PCDH9: variants seen among roughly 807,000 people sequenced by gnomAD.
PCDH9 encodes protocadherin-9.
A neutral mutation model predicts 70.6 loss-of-function variants in PCDH9; 24 were observed. The ratio of observed to expected loss-of-function variants is 0.34; its 90% CI spans 0.25 to 0.48. The LOEUF is 0.48. Among genes scored for constraint, PCDH9 ranks in the 20% least tolerant of loss-of-function variants. The pLI, the probability that PCDH9 is intolerant of heterozygous loss-of-function variation, is 0.99. For synonymous variants in PCDH9, 562 were observed against 558.5 expected, an observed-to-expected ratio of 1.01 and a Z score of -0.09; for missense variants, 1,281 against 1,503.6, an observed-to-expected ratio of 0.85 and a Z score of 2.45.
intron 3 of PCDH9, among the ~76,000 whole-genome samples, chr13:66,798,975 A>T (rs918402785): frequency 1.3e-5 from 2 of 151,820 alleles, no homozygotes; most frequent in Non-Finnish European, 2.9e-5. Flanking sequence ...CACCAGGTCC[A>T]GTTAATTTTT....
At chr13:67,125,411 T>A (rs2138311732) in intron 2 of PCDH9, among the ~76,000 whole-genome samples, 1 of 152,300 alleles carries the variant, frequency 6.6e-6, no homozygotes, top group Non-Finnish European at 1.5e-5. Context: ...TCAAGAACTC[T>A]GTGACTTTAC....
At chr13:66,984,972 T>C (rs116839652) in intron 2 of PCDH9, among the ~76,000 whole-genome samples, 1,789 of 152,148 alleles carry the variant, frequency 0.012, 38 homozygotes, top group African/African-American at 0.039. Context: ...CTAAAATCCA[T>C]AGGAATCCTT....
intron 2 of PCDH9, among the ~76,000 whole-genome samples, chr13:67,079,428 G>A (rs2085941534): frequency 6.6e-6 from 1 of 152,004 alleles, no homozygotes; most frequent in African/African-American, 2.4e-5. Flanking sequence ...AAGGGACCTG[G>A]TTAGTGGTCA....
At chr13:66,316,679 A>T (rs944090953) in intron 4 of PCDH9, among the ~76,000 whole-genome samples, 1 of 152,036 alleles carries the variant, frequency 6.6e-6, no homozygotes, top group Non-Finnish European at 1.5e-5. Flanking sequence ...TTTCCTTACC[A>T]CCTTTAAAAA....
intron 2 of PCDH9, among the ~76,000 whole-genome samples, chr13:67,195,771 T>A (rs2138035781): frequency 6.6e-6 from 1 of 152,282 alleles, no homozygotes; most frequent in Middle Eastern, 3.4e-3. Context: ...CATGACTCCA[T>A]ATATATGAAA....
At chr13:66,615,505 T>C (rs1284022920) in intron 4 of PCDH9, among the ~76,000 whole-genome samples, 2 of 152,238 alleles carry the variant, frequency 1.3e-5, no homozygotes, top group African/African-American at 4.8e-5. Flanking sequence ...TTGCTATTCA[T>C]AGACAATTGT....
intron 2 of PCDH9, among the ~76,000 whole-genome samples, chr13:67,013,421 T>A (rs2084492963): frequency 6.6e-6 from 1 of 152,000 alleles, no homozygotes. Context: ...AAATCATGAT[T>A]TCATCTTCTG....
intron 2 of PCDH9, among the ~76,000 whole-genome samples, chr13:66,919,578 CA>C (rs1252241501): frequency 6.6e-6 from 1 of 151,116 alleles, no homozygotes; most frequent in African/African-American, 2.4e-5. Context: ...CATAGAGCTA[CA>C]AAAATTTGCT....
intron 4 of PCDH9, among the ~76,000 whole-genome samples, chr13:66,526,427 AT>A (rs1265844515): frequency 6.6e-6 from 1 of 152,080 alleles, no homozygotes; most frequent in Admixed American, 6.6e-5. Flanking sequence ...AAGTTCAGAA[AT>A]TTTGCTGAGC....
chr13:66,893,761 T>C (rs1379992711), intron 3 of PCDH9, among the ~76,000 whole-genome samples: 4 of 152,150 alleles, frequency 2.6e-5, no homozygotes, highest in Admixed American at 2.0e-4. Flanking sequence ...TAATATAACC[T>C]AATATGTTTT....
chr13:66,783,779 T>C (rs2080036926), intron 3 of PCDH9, among the ~76,000 whole-genome samples: 1 of 152,174 alleles, frequency 6.6e-6, no homozygotes, highest in Non-Finnish European at 1.5e-5. Flanking sequence ...CTAAACATTA[T>C]ACGTCCTCTA....
chr13:66,358,480 T>C (rs758867741), intron 4 of PCDH9, among the ~76,000 whole-genome samples: 2 of 151,982 alleles, frequency 1.3e-5, no homozygotes, highest in Non-Finnish European at 2.9e-5. Flanking sequence ...TTTATAAATT[T>C]AAAAATGATT....
At chr13:66,514,914 C>T (rs973990554) in intron 4 of PCDH9, among the ~76,000 whole-genome samples, 5 of 152,054 alleles carry the variant, frequency 3.3e-5, no homozygotes, top group Admixed American at 2.0e-4. Flanking sequence ...CATACAGAGA[C>T]ATTTGTCTCA....
At chr13:66,893,545 T>C (rs1269505156) in intron 3 of PCDH9, among the ~76,000 whole-genome samples, 1 of 152,148 alleles carries the variant, frequency 6.6e-6, no homozygotes, top group Non-Finnish European at 1.5e-5. Flanking sequence ...ACAATCAAAG[T>C]GTTTTAAAGA....
intron 3 of PCDH9, among the ~76,000 whole-genome samples, chr13:66,818,034 T>A (rs1026977832): frequency 1.3e-5 from 2 of 152,210 alleles, no homozygotes; most frequent in African/African-American, 2.4e-5. Context: ...AATAAATCAC[T>A]GATGCTGATT....
intron 4 of PCDH9, among the ~76,000 whole-genome samples, chr13:66,588,679 A>G (rs2076997246): frequency 6.6e-6 from 1 of 151,984 alleles, no homozygotes; most frequent in Non-Finnish European, 1.5e-5. Context: ...AAAGGCATTC[A>G]GGATAAAATT....
chr13:67,037,369 A>T (rs1417529808), intron 2 of PCDH9, among the ~76,000 whole-genome samples: 1 of 152,164 alleles, frequency 6.6e-6, no homozygotes, highest in Non-Finnish European at 1.5e-5. Context: ...GGGGATATTT[A>T]TACTTTCTGC....
intron 3 of PCDH9, among the ~76,000 whole-genome samples, chr13:66,664,061 T>C (rs564511715): frequency 6.6e-6 from 1 of 152,340 alleles, no homozygotes; most frequent in East Asian, 1.9e-4. Context: ...CAGACCACTG[T>C]GGGATAAGTT....
At chr13:67,179,965 C>G (rs557479415) in intron 2 of PCDH9, among the ~76,000 whole-genome samples, 3 of 151,942 alleles carry the variant, frequency 2.0e-5, no homozygotes, top group Non-Finnish European at 4.4e-5. Context: ...TTTCAGGTAC[C>G]CAAGGTAACT....
Sources: gnomAD v4.1 joint callset for allele counts (sites outside exome capture counted in the v4.1 genomes callset) on GRCh38, gnomAD v4.1.1 for gene constraint, MANE v1.5 for transcripts, NCBI Gene and HGNC (gene_info 2026-07-23, HGNC 2026-07-21) for gene names.